GOT2: variants seen among roughly 807,000 people sequenced by gnomAD.
GOT2 encodes glutamic-oxaloacetic transaminase 2.
In GOT2, 17 loss-of-function variants were observed where a neutral mutation model predicts 50.0. The ratio of observed to expected loss-of-function variants is 0.34; its 90% CI spans 0.23 to 0.51. The LOEUF is 0.51. Ranked by LOEUF, GOT2 falls within the 20% of genes least tolerant of loss-of-function variation. GOT2 has a pLI of 0.97. For synonymous variants in GOT2, 172 were observed against 204.9 expected (o/e 0.84, Z 1.37); for missense variants, 430 against 559.6 (o/e 0.77, Z 2.34).
intron 6 of GOT2, among the ~76,000 whole-genome samples, chr16:58,717,252 T>C (rs539018206): frequency 6.6e-6 from 1 of 152,050 alleles, no homozygotes; most frequent in African/African-American, 2.4e-5. Flanking sequence ...GGCACACATG[T>C]CTGTAGTCCC....
chr16:58,724,463 C>T (rs2044767359), intron 1 of GOT2, among the ~76,000 whole-genome samples: 1 of 152,074 alleles, frequency 6.6e-6, no homozygotes, highest in Admixed American at 6.6e-5. Context: ...CCCATATACC[C>T]TTACCCCCAG....
intron 1 of GOT2, among the ~76,000 whole-genome samples, chr16:58,729,271 A>C (rs1005111991): frequency 2.7e-5 from 4 of 148,842 alleles, no homozygotes; most frequent in Admixed American, 6.9e-5. Flanking sequence ...GTCTATCTAC[A>C]TCACTGTCAT....
At chr16:58,715,888 C>T in intron 8 of GOT2, 126 bp downstream of exon 8, 2 of 743,534 alleles carry the variant, frequency 2.7e-6, no homozygotes, top group East Asian at 3.0e-5. Context: ...TTTTTTGCTT[C>T]CTTCCCTGCC....
At chr16:58,718,409 C>G (rs1485224818) in intron 5 of GOT2, 109 bp from the exon 6 acceptor site, 7 of 1,324,414 alleles carry the variant, frequency 5.3e-6, no homozygotes, top group Non-Finnish European at 6.4e-6. Context: ...TAACCAGAAC[C>G]CTGGGAATCA....
chr16:58,723,969 T>A, intron 1 of GOT2, 67 bp from the exon 2 acceptor site: 2 of 1,412,378 alleles, frequency 1.4e-6, no homozygotes, highest in Non-Finnish European at 2.0e-6. Flanking sequence ...CTTATTTATT[T>A]ATGAGATAGA....
intron 3 of GOT2, among the ~76,000 whole-genome samples, chr16:58,719,641 G>A (rs2044724864): frequency 6.6e-6 from 1 of 152,124 alleles, no homozygotes; most frequent in African/African-American, 2.4e-5. Context: ...TGTAATCCCA[G>A]CTACTGGAAA....
rs1026990045 is a variant in GOT2, at chr16:58,718,563, G to A, written c.561C>T (p.Cys187=). 2 of 1,597,120 alleles carry A rather than the reference G, an allele frequency of 1.3e-6. No homozygotes were observed. The highest frequency in any genetic ancestry group is 1.7e-6 in the Non-Finnish European group (2 of 1,172,222). ...CCACAGCGCCTGTGAAGTCAAAACC[G>A]CAAGTCTTGGGGTCATAATACCGAT... The part of the protein sequence containing the change: ...QGYRYYDPKT[C]GFDFTGAVED... Residue 187 remains cysteine (C), a synonymous_variant, in exon 5 of 10, where the codon TGC becomes TGT. Coordinates refer to ENST00000245206, the MANE Select transcript of GOT2 (RefSeq NM_002080.4).
chr16:58,716,581 CACACACA>C, intron 7 of GOT2, 75 bp downstream of exon 7: 1 of 1,199,536 alleles, frequency 8.3e-7, no homozygotes. Flanking sequence ...CACACACACA[CACACACA>C]CCCACAAGCT....
intron 3 of GOT2, among the ~76,000 whole-genome samples, chr16:58,720,607 C>T (rs1234814078): frequency 7.0e-6 from 1 of 143,072 alleles, no homozygotes; most frequent in African/African-American, 2.7e-5. Context: ...GAGATAGGTT[C>T]GTGCTCTGTC....
chr16:58,716,016 T>C lies in GOT2; in HGVS notation c.1017A>G (p.Gln339=). The part of the protein sequence containing the change: ...AILNTPDLRK[Q]WLQEVKVMAD... ...TGGGGAGTGGCATAAACCTTTACCA[T>C]TGTTTTCGCAAATCTGGGGTGTTCA... The change falls in exon 8 of 10, where the codon CAA becomes CAG. Residue 339 remains glutamine, a splice_region_variant and synonymous_variant. Transcript: ENST00000245206. 6.2e-7 allele frequency: 1 copy of C among 1,608,842 alleles called. No homozygotes were observed. Among genetic ancestry groups the C allele is most frequent in the Non-Finnish European group, 8.5e-7 (1 of 1,178,524 alleles).
chr16:58,709,416 C>T lies in GOT2; in HGVS notation c.1170+1G>A, dbSNP rs1243421239. The stretch of plus-strand genomic sequence containing the variant: ...GCTGCAGAGAAATCAGAATCACTCA[C>T]CTGTTCAGGCTTTAGCCCTGTGAAA... On this transcript the variant is annotated splice_donor_variant, in intron 9 of 9. Coordinates refer to ENST00000245206, the MANE Select transcript of GOT2 (RefSeq NM_002080.4). LOFTEE classifies it high-confidence loss of function. 1.3e-6 allele frequency: 2 copies of T among 1,593,834 alleles called. No homozygotes were observed.
At chr16:58,715,141 TGAG>T (rs1245339871) in intron 8 of GOT2, among the ~76,000 whole-genome samples, 1 of 151,964 alleles carries the variant, frequency 6.6e-6, no homozygotes, top group Non-Finnish European at 1.5e-5. Context: ...CCCAGGAGTT[TGAG>T]GAGACCAGCC....
rs759078047 is a variant in GOT2 at position 58,716,045 on chromosome 16, T to C, written c.988A>G (p.Ile330Val). Residue 330 changes from isoleucine (I) to valine (V), a missense_variant, in exon 8 of 10, where the codon ATT (isoleucine) becomes GTT (valine). Coordinates refer to ENST00000245206, the MANE Select transcript of GOT2 (RefSeq NM_002080.4). Reference sequence around the variant, plus strand: ...TTTCGCAAATCTGGGGTGTTCAGAATGGCAGCAGCAATCCGGGCCCCATTG... The same window carrying C: ...TTTCGCAAATCTGGGGTGTTCAGAACGGCAGCAGCAATCCGGGCCCCATTG... ...PLNGARIAAA[I>V]LNTPDLRKQW... 8.7e-6 allele frequency: 14 copies of C among 1,613,208 alleles called. No individual in the cohort carries two copies. Among genetic ancestry groups the C allele is most frequent in the African/African-American group, 1.3e-5 (1 of 74,838 alleles).
In GOT2 at chr16:58,709,564, C is replaced by A. The variant is rs2044630132; in HGVS notation, c.1023G>T (p.Leu341=). 3 of 1,608,198 alleles carry A rather than the reference C, an allele frequency of 1.9e-6. No individual in the cohort carries two copies. The highest frequency in any genetic ancestry group is 2.7e-5 in the African/African-American group (2 of 74,962). Residue 341 remains leucine (L), a synonymous_variant, in exon 9 of 10, where the codon CTG becomes CTT. Transcript: ENST00000245206. ...LNTPDLRKQW[L]QEVKVMADRI... is the part of the protein sequence containing the mutation. ...GGTCAGCCATGACTTTCACTTCTTG[C>A]AGCCTGTAAAGAAACCCTGAGATGC...
At chr16:58,708,315 G>A (rs748695523) in intron 9 of GOT2, 22 bp from the exon 10 acceptor site, 2 of 1,611,606 alleles carry the variant, frequency 1.2e-6, no homozygotes, top group South Asian at 2.2e-5. Flanking sequence ...AAAGAACTTG[G>A]GTACCTCTTC....
In GOT2 at chr16:58,710,577, T is replaced by C. The variant is rs550342546; in HGVS notation, c.1020-1010A>G. Among the ~76,000 whole-genome samples, 18 of 152,042 alleles carry C rather than the reference T, an allele frequency of 1.2e-4. 1 individual carries two copies. The South Asian group carries it at 3.5e-3, about 30-fold the overall frequency. On this transcript the variant is annotated intron_variant, in intron 8 of 9. Transcript: ENST00000245206. ...TTATTGGGATGTAACCCCATCATAA[T>C]TGCATCTGTATTAAGAAAAGTGGGC...
Position 58,708,293 on chromosome 16 carries a change from C to T in GOT2, c.1171G>A (p.Val391Met), listed in dbSNP as rs1323119772. The T allele has an allele frequency of 6.2e-7, 1 of 1,613,674 alleles. No individual in the cohort carries two copies. ...GAGAACTCCTTGATCAGCCGCTCCA[C>T]CTGCAGAGAGGAAAGAACTTGGGTA... ...FCFTGLKPEQVERLIKEFSIY... is the reference protein window; with the variant it reads ...FCFTGLKPEQMERLIKEFSIY... The change falls in exon 10 of 10, where the codon GTG becomes ATG. Residue 391 changes from valine to methionine, a missense_variant and splice_region_variant. Coordinates refer to ENST00000245206, the MANE Select transcript of GOT2 (RefSeq NM_002080.4).
chr16:58,716,396 C>T, intron 7 of GOT2: 2 of 601,868 alleles, frequency 3.3e-6, no homozygotes, highest in Non-Finnish European at 5.7e-6. Context: ...TTGTATCTAT[C>T]TTCTTGGCTC....
At chr16:58,730,780 T>G (rs1009209421) in intron 1 of GOT2, among the ~76,000 whole-genome samples, 2 of 152,206 alleles carry the variant, frequency 1.3e-5, no homozygotes, top group Non-Finnish European at 2.9e-5. Context: ...TTGTAAGAAC[T>G]CTGATGTTTT....
Sources: gnomAD v4.1 joint callset for allele counts (sites outside exome capture counted in the v4.1 genomes callset) on GRCh38, gnomAD v4.1.1 for gene constraint, MANE v1.5 for transcripts, NCBI Gene and HGNC (gene_info 2026-07-23, HGNC 2026-07-21) for gene names.